CUEDC1: variants seen among roughly 807,000 people sequenced by gnomAD.
The protein encoded by CUEDC1 is CUE domain containing 1, also known as CUE domain-containing protein 1.
Under a neutral mutation model 43.7 loss-of-function variants are expected in CUEDC1, and 30 were observed. The observed-to-expected ratio is 0.69, with a 90% CI of 0.51 to 0.93. The LOEUF is 0.93. Among genes scored for constraint, CUEDC1 ranks in the 40% least tolerant of loss-of-function variants. The pLI, the probability that CUEDC1 is intolerant of heterozygous loss-of-function variation, is 0.00. For missense variants in CUEDC1, 486 were observed against 549.0 expected, an observed-to-expected ratio of 0.89 and a Z score of 1.15; for synonymous variants, 223 against 223.6, an observed-to-expected ratio of 1.00 and a Z score of 0.02.
intron 1 of CUEDC1, among the ~76,000 whole-genome samples, chr17:57,948,405 C>T (rs575359672): frequency 4.6e-5 from 7 of 152,064 alleles, no homozygotes; most frequent in African/African-American, 1.7e-4. Context: ...AGGAACATTG[C>T]GGGCCAGGGT....
chr17:57,932,314 G>A (rs2074813712), intron 1 of CUEDC1, among the ~76,000 whole-genome samples: 1 of 132,426 alleles, frequency 7.6e-6, no homozygotes. Flanking sequence ...GGCCAGGCAT[G>A]GTGGCTCACG....
At chr17:57,895,358 T>C (rs2074397837) in intron 1 of CUEDC1, among the ~76,000 whole-genome samples, 1 of 152,158 alleles carries the variant, frequency 6.6e-6, no homozygotes, top group Non-Finnish European at 1.5e-5. Context: ...AAGAACTCAA[T>C]AACTGTGAGT....
intron 7 of CUEDC1, chr17:57,868,462 G>A: frequency 1.7e-6 from 1 of 578,206 alleles, no homozygotes; most frequent in South Asian, 2.0e-5. Flanking sequence ...CAGCCTGCAG[G>A]GGCAGCACAG....
Position 57,885,302 on chromosome 17 carries a change from T to A in CUEDC1, c.263A>T (p.Asn88Ile), listed in dbSNP as rs1568035947. ...DATIDQLLQM[N>I]LEGGGSSGGV... is the part of the protein sequence containing the mutation. The stretch of plus-strand genomic sequence containing the variant: ...GCCGCTGCTGCCACCGCCCTCCAGG[T>A]TCATCTGCAGCAGCTGGTCGATGGT... Residue 88 changes from asparagine to isoleucine, a missense_variant, in exon 2 of 11, where the codon AAC (asparagine) becomes ATC (isoleucine). By Grantham distance (149) the Asn-to-Ile change is moderately radical. Transcript: ENST00000577830. 2 of 1,610,176 alleles carry A rather than the reference T, an allele frequency of 1.2e-6. No homozygotes were observed. The highest frequency in any genetic ancestry group is 1.7e-6 in the Non-Finnish European group (2 of 1,178,858).
At chr17:57,934,955 G>T (rs1021872745) in intron 1 of CUEDC1, among the ~76,000 whole-genome samples, 1 of 152,150 alleles carries the variant, frequency 6.6e-6, no homozygotes, top group Non-Finnish European at 1.5e-5. Context: ...TGATCCACCT[G>T]CCTCAGCCTC....
Position 57,862,622 on chromosome 17 carries a change from G to C in CUEDC1, c.*667C>G, listed in dbSNP as rs1008362119. 1.3e-5 allele frequency: 2 copies of C among 152,376 alleles called. No individual in the cohort carries two copies. The highest frequency in any genetic ancestry group is 4.8e-5 in the African/African-American group (2 of 41,454). 9.4% of individuals were successfully genotyped at this position (152,376 alleles called of 1,614,324 possible). A position where few individuals can be genotyped will look rare whatever the true frequency, so the allele number is the denominator to read the frequency against. On this transcript the variant is annotated 3_prime_UTR_variant, in exon 11 of 11. Transcript: ENST00000577830. ...CAGCCTGATGAGGCCAGACGGGGCA[G>C]GGCAGTCGGCAGATGCTTTGCAGTA...
chr17:57,876,279 G>A (rs17762344), intron 3 of CUEDC1, among the ~76,000 whole-genome samples: 78,597 of 151,874 alleles, frequency 0.52, 22,125 homozygotes, highest in African/African-American at 0.74. Context: ...CCGCCGTTAG[G>A]TACTTCCAGG....
intron 1 of CUEDC1, among the ~76,000 whole-genome samples, chr17:57,931,029 C>G (rs1276828879): frequency 2.0e-5 from 3 of 152,168 alleles, no homozygotes; most frequent in Non-Finnish European, 2.9e-5. Context: ...TGGCTCCTGT[C>G]TGTAATCCCA....
intron 1 of CUEDC1, among the ~76,000 whole-genome samples, chr17:57,942,147 C>T (rs1455703399): frequency 6.6e-6 from 1 of 152,110 alleles, no homozygotes; most frequent in Non-Finnish European, 1.5e-5. Flanking sequence ...AAAGGATGTG[C>T]TCCCGGCCTC....
chr17:57,871,243 C>T, intron 6 of CUEDC1, 43 bp downstream of exon 6: 1 of 1,463,744 alleles, frequency 6.8e-7, no homozygotes, highest in South Asian at 1.1e-5. Context: ...GTGTGAGCTC[C>T]CCACTATGCC....
At position 57,870,171 on chromosome 17, in the gene CUEDC1, C is replaced by A. The variant is rs145645257; in HGVS notation, c.869-978G>T. Among the ~76,000 whole-genome samples the A allele has an allele frequency of 1.4e-4, 22 of 152,352 alleles. 1 individual carries two copies. The East Asian group carries it at 3.1e-3, about 21-fold the overall frequency. Reference sequence around the variant, plus strand: ...GGCAAGAGCCCTTCTCCGAGGTGGGCAGCTTGTGTACATGTGGGGCAGGGG... The same window carrying A: ...GGCAAGAGCCCTTCTCCGAGGTGGGAAGCTTGTGTACATGTGGGGCAGGGG... On this transcript the variant is annotated intron_variant, in intron 6 of 10. Transcript: ENST00000577830.
intron 1 of CUEDC1, among the ~76,000 whole-genome samples, chr17:57,934,350 C>G (rs2074839019): frequency 6.6e-6 from 1 of 151,876 alleles, no homozygotes; most frequent in African/African-American, 2.4e-5. Flanking sequence ...CAAGATCACA[C>G]CACTGCACTC....
intron 1 of CUEDC1, among the ~76,000 whole-genome samples, chr17:57,898,137 G>T (rs892998543): frequency 2.0e-5 from 3 of 152,190 alleles, no homozygotes; most frequent in African/African-American, 7.2e-5. Context: ...GATCATTTAG[G>T]CAGGCTTTCT....
chr17:57,886,657 G>C (rs2685508), intron 1 of CUEDC1, among the ~76,000 whole-genome samples: 101,454 of 152,032 alleles, frequency 0.67, 34,255 homozygotes, highest in East Asian at 0.99. Flanking sequence ...AACCCCTGGA[G>C]TTCATTTTCC....
In CUEDC1 at chr17:57,913,450, G is replaced by A. The variant is rs117771832; in HGVS notation, c.-315-27571C>T. On this transcript the variant is annotated intron_variant, in intron 1 of 10. Coordinates refer to ENST00000577830, the MANE Select transcript of CUEDC1 (RefSeq NM_001271875.2). ...GCTAGGATTACAGGCATGAACCACT[G>A]TGCCAGCCTCTGGGGTGCTTTTTAA... 7.4e-3 allele frequency among the ~76,000 whole-genome samples: 1,119 copies of A among 152,208 alleles called. 50 individuals are homozygous for A. In the East Asian group the frequency reaches 0.12, roughly 16 times the overall value.
At chr17:57,935,991 G>A (rs2074858280) in intron 1 of CUEDC1, among the ~76,000 whole-genome samples, 1 of 152,196 alleles carries the variant, frequency 6.6e-6, no homozygotes, top group South Asian at 2.1e-4. Flanking sequence ...CTGTCTCCTG[G>A]GCCAGTGACC....
intron 1 of CUEDC1, among the ~76,000 whole-genome samples, chr17:57,896,487 GGTGTGTGTGTGTGT>G (rs1555660568): frequency 7.7e-6 from 1 of 130,282 alleles, no homozygotes; most frequent in African/African-American, 3.3e-5. Flanking sequence ...TGCATTATGG[GGTGTGTGTGTGTGT>G]GTGTGTGTGT....
At chr17:57,873,551 C>A (rs765454155) in intron 4 of CUEDC1, 40 bp downstream of exon 4, 5 of 1,506,758 alleles carry the variant, frequency 3.3e-6, no homozygotes, top group Non-Finnish European at 4.5e-6. Context: ...AGATGCTGGA[C>A]AAGCAGGTGG....
rs1192480867 is a variant in CUEDC1, at chr17:57,862,911, G to A, written c.*378C>T. 1.3e-5 allele frequency: 2 copies of A among 152,268 alleles called. No individual in the cohort carries two copies. Among genetic ancestry groups the A allele is most frequent in the African/African-American group, 4.8e-5 (2 of 41,450 alleles). The allele number at this position is 152,268 out of a possible 1,614,324, so 9.4% of individuals were successfully genotyped here. On this transcript the variant is annotated 3_prime_UTR_variant, in exon 11 of 11. Coordinates refer to ENST00000577830, the MANE Select transcript of CUEDC1 (RefSeq NM_001271875.2). ...CCACCTTCAGGCCAAAGAGCCTCTG[G>A]TGGGGGTCATCTTGCCCTTTTCCAT...
Sources: allele counts gnomAD v4.1 joint callset (sites outside exome capture counted in the v4.1 genomes callset), GRCh38; gene constraint gnomAD v4.1.1; transcripts MANE v1.5; gene names NCBI Gene and HGNC (gene_info 2026-07-23, HGNC 2026-07-21).